Variants in HS3ST4 observed in about 807,000 individuals in gnomAD.
HS3ST4 encodes the protein heparan sulfate-glucosamine 3-sulfotransferase 4.
A neutral mutation model predicts 29.2 loss-of-function variants in HS3ST4; 17 were observed. The ratio of observed to expected loss-of-function variants is 0.58; its 90% CI spans 0.40 to 0.87. The LOEUF is 0.87. Ranked by LOEUF, HS3ST4 falls within the 40% of genes least tolerant of loss-of-function variation. The probability of loss-of-function intolerance (pLI) is 0.00; values close to 1 mark genes in which losing one functional copy is unlikely to be tolerated. For missense variants in HS3ST4, 627 were observed against 634.5 expected (o/e 0.99, Z 0.13); for synonymous variants, 314 against 285.7 (o/e 1.10, Z -1.00).
chr16:25,766,147 T>A (rs942485597), intron 1 of HS3ST4, among the ~76,000 whole-genome samples: 1 of 151,956 alleles, frequency 6.6e-6, no homozygotes, highest in Non-Finnish European at 1.5e-5. Flanking sequence ...CTGTGTGGTC[T>A]TAGGGAGCTT....
chr16:25,999,903 A>T (rs1437682503), intron 1 of HS3ST4, among the ~76,000 whole-genome samples: 1 of 135,082 alleles, frequency 7.4e-6, no homozygotes, highest in Admixed American at 8.2e-5. Flanking sequence ...TATTTTATAT[A>T]TATATATATA....
intron 1 of HS3ST4, among the ~76,000 whole-genome samples, chr16:25,913,806 G>T (rs1968263350): frequency 6.6e-6 from 1 of 151,568 alleles, no homozygotes; most frequent in Non-Finnish European, 1.5e-5. Flanking sequence ...GTGTATATGT[G>T]TGGGGTGTGT....
chr16:26,016,382 G>A (rs983346247), intron 1 of HS3ST4, among the ~76,000 whole-genome samples: 4 of 152,188 alleles, frequency 2.6e-5, no homozygotes, highest in Non-Finnish European at 4.4e-5. Context: ...ACAGGGCATT[G>A]AGTAACACTG....
intron 1 of HS3ST4, among the ~76,000 whole-genome samples, chr16:26,013,834 C>T (rs535210202): frequency 1.4e-3 from 213 of 151,964 alleles, no homozygotes; most frequent in African/African-American, 4.8e-3. Flanking sequence ...ATGGTGAAAC[C>T]CCATCTCTAC....
chr16:25,835,821 T>C (rs1471610185), intron 1 of HS3ST4, among the ~76,000 whole-genome samples: 2 of 152,222 alleles, frequency 1.3e-5, no homozygotes, highest in Non-Finnish European at 2.9e-5. Context: ...CCACACTGTT[T>C]TGTTTTTGTT....
chr16:25,820,631 C>A (rs1363282292), intron 1 of HS3ST4, among the ~76,000 whole-genome samples: 1 of 151,722 alleles, frequency 6.6e-6, no homozygotes, highest in Non-Finnish European at 1.5e-5. Flanking sequence ...AGACAGATTT[C>A]TTTATGTTGC....
chr16:25,816,635 C>A (rs1967094845), intron 1 of HS3ST4, among the ~76,000 whole-genome samples: 3 of 151,974 alleles, frequency 2.0e-5, no homozygotes, highest in African/African-American at 7.3e-5. Context: ...GTGTCTTAGT[C>A]TTTTTTTTCT....
intron 1 of HS3ST4, among the ~76,000 whole-genome samples, chr16:26,077,586 T>C (rs1898677499): frequency 6.6e-6 from 1 of 152,252 alleles, no homozygotes; most frequent in Non-Finnish European, 1.5e-5. Flanking sequence ...AGTCCCCTTT[T>C]GGAATATCAG....
intron 1 of HS3ST4, among the ~76,000 whole-genome samples, chr16:25,696,505 T>TC (rs1229585150): frequency 1.3e-5 from 2 of 151,644 alleles, no homozygotes; most frequent in East Asian, 1.9e-4. Context: ...TGTTTGTTTT[T>TC]TTTTTTCTTT....
At chr16:25,984,210 T>A (rs1181807270) in intron 1 of HS3ST4, among the ~76,000 whole-genome samples, 2 of 152,190 alleles carry the variant, frequency 1.3e-5, no homozygotes, top group Non-Finnish European at 1.5e-5. Flanking sequence ...TTTAACACAG[T>A]GGTCCCCAAC....
chr16:25,702,730 G>A (rs1319029314), intron 1 of HS3ST4, among the ~76,000 whole-genome samples: 1 of 152,160 alleles, frequency 6.6e-6, no homozygotes, highest in Non-Finnish European at 1.5e-5. Context: ...AGGAAAGGGT[G>A]GCAAAATAAC....
rs1966283555 is a variant in HS3ST4, at chr16:25,694,970, A to G, written c.734+1819A>G. ...GGTGGAATGTGTATCAGGAAGTCTT[A>G]TCACTGGGTCTGGAGAGTTTTCCGA... On this transcript the variant is annotated intron_variant, in intron 1 of 1. Transcript: ENST00000331351. Among the ~76,000 whole-genome samples, 3 of 152,190 alleles carry G rather than the reference A, an allele frequency of 2.0e-5. No individual in the cohort carries two copies. The South Asian group carries it at 6.2e-4, about 32-fold the overall frequency.
intron 1 of HS3ST4, among the ~76,000 whole-genome samples, chr16:25,958,158 A>G (rs2141700467): frequency 6.6e-6 from 1 of 152,298 alleles, no homozygotes; most frequent in Non-Finnish European, 1.5e-5. Flanking sequence ...AGAGAGAAAT[A>G]TTGCAGCAAT....
rs1446306072 is a variant in HS3ST4, at chr16:25,828,302, C to G, written c.734+135151C>G. On this transcript the variant is annotated intron_variant, in intron 1 of 1. Coordinates refer to ENST00000331351, the MANE Select transcript of HS3ST4 (RefSeq NM_006040.3). ...TTTCTTTCTTTCTTTCTTTCTTTCC[C>G]TCTCTCTCTCTCTCTCTCTCTCTCT... Among the ~76,000 whole-genome samples the G allele has an allele frequency of 3.2e-4, 6 of 18,868 alleles. 1 individual carries two copies. Among genetic ancestry groups the G allele is most frequent in the African/African-American group, 1.0e-3 (5 of 4,940 alleles). The allele number at this position is 18,868 out of a possible 152,430, so 12.4% of individuals were successfully genotyped here.
chr16:25,704,434 A>G (rs992782989), intron 1 of HS3ST4, among the ~76,000 whole-genome samples: 4 of 152,252 alleles, frequency 2.6e-5, no homozygotes, highest in South Asian at 4.2e-4. Context: ...CTGAGCTCCC[A>G]TAGCAGGATG....
chr16:26,116,679 A>T (rs1899205531), intron 1 of HS3ST4, among the ~76,000 whole-genome samples: 2 of 152,202 alleles, frequency 1.3e-5, no homozygotes, highest in Admixed American at 1.3e-4. Context: ...TCATTTGTTC[A>T]TTGACATTTG....
At chr16:25,739,178 C>T (rs955892216) in intron 1 of HS3ST4, among the ~76,000 whole-genome samples, 10 of 152,026 alleles carry the variant, frequency 6.6e-5, no homozygotes, top group Non-Finnish European at 1.3e-4. Context: ...CCCATCTCAA[C>T]TAAAAATACA....
intron 1 of HS3ST4, among the ~76,000 whole-genome samples, chr16:25,887,357 T>A (rs527896829): frequency 6.6e-6 from 1 of 152,228 alleles, no homozygotes; most frequent in South Asian, 2.1e-4. Context: ...TCCTGGTGGG[T>A]GTCTAAAGCT....
chr16:25,894,835 G>C (rs900396385), intron 1 of HS3ST4, among the ~76,000 whole-genome samples: 11 of 152,116 alleles, frequency 7.2e-5, no homozygotes, highest in African/African-American at 2.7e-4. Context: ...AGTCAAGTTG[G>C]TAGGAAAATT....
Sources: allele counts gnomAD v4.1 joint callset (sites outside exome capture counted in the v4.1 genomes callset), GRCh38; gene constraint gnomAD v4.1.1; transcripts MANE v1.5; gene names NCBI Gene and HGNC (gene_info 2026-07-23, HGNC 2026-07-21).